IDO2: variants seen among roughly 807,000 people sequenced by gnomAD.
The protein encoded by IDO2 is indoleamine 2,3-dioxygenase-like 1 protein.
In IDO2, 46 loss-of-function variants were observed where a neutral mutation model predicts 45.1. The ratio of observed to expected loss-of-function variants is 1.02; its 90% CI spans 0.80 to 1.30. The LOEUF is 1.30. Among genes scored for constraint, IDO2 ranks in the 50% most tolerant of loss-of-function variants. IDO2 has a pLI of 0.00. For synonymous variants in IDO2, 218 were observed against 184.9 expected (o/e 1.18, Z -1.45); for missense variants, 544 against 491.8 (o/e 1.11, Z -1.00).
intron 3 of IDO2, among the ~76,000 whole-genome samples, chr8:39,966,904 G>A (rs185159051): frequency 6.6e-6 from 1 of 152,130 alleles, no homozygotes. Flanking sequence ...AGGACCAATG[G>A]CCTCCAATAA....
At chr8:39,943,748 A>T (rs1178615458) in intron 1 of IDO2, among the ~76,000 whole-genome samples, 1 of 151,750 alleles carries the variant, frequency 6.6e-6, no homozygotes, top group Non-Finnish European at 1.5e-5. Context: ...AAAAAAAAAA[A>T]AAAAAAAAAA....
At chr8:39,943,933 T>C (rs1807691728) in intron 1 of IDO2, among the ~76,000 whole-genome samples, 2 of 152,068 alleles carry the variant, frequency 1.3e-5, no homozygotes, top group South Asian at 2.1e-4. Flanking sequence ...CGAGAGGTGC[T>C]GTGGCTCAGT....
chr8:39,958,365 C>G (rs985656825), intron 2 of IDO2, among the ~76,000 whole-genome samples: 1 of 152,006 alleles, frequency 6.6e-6, no homozygotes, highest in Non-Finnish European at 1.5e-5. Context: ...TCCCGAACAG[C>G]TGGGGTTACA....
chr8:39,989,070 A>G (rs1282097878), intron 7 of IDO2, among the ~76,000 whole-genome samples: 1 of 152,206 alleles, frequency 6.6e-6, no homozygotes, highest in Non-Finnish European at 1.5e-5. Context: ...TAATTGACTC[A>G]TAGTTCTGCA....
chr8:39,997,210 C>A (rs1245470095), intron 8 of IDO2, among the ~76,000 whole-genome samples: 1 of 152,154 alleles, frequency 6.6e-6, no homozygotes, highest in Non-Finnish European at 1.5e-5. Flanking sequence ...ATTAACCCAG[C>A]TGCTTCCTGA....
intron 3 of IDO2, among the ~76,000 whole-genome samples, chr8:39,970,665 A>G (rs1482221116): frequency 1.3e-5 from 2 of 151,942 alleles, no homozygotes; most frequent in Non-Finnish European, 2.9e-5. Context: ...GAGCTGGATT[A>G]CAGGCATGAG....
At chr8:39,963,671 G>C (rs1808034132) in exon 3 of IDO2, 1 of 1,611,676 alleles carries the variant, frequency 6.2e-7, no homozygotes, top group Non-Finnish European at 8.5e-7. Context: ...TCAATTGATT[G>C]ATGCTCACCA....
intron 3 of IDO2, among the ~76,000 whole-genome samples, chr8:39,964,848 C>T (rs551253467): frequency 6.6e-6 from 1 of 152,238 alleles, no homozygotes; most frequent in South Asian, 2.1e-4. Context: ...ACGTATTAAG[C>T]AAATCATGTA....
rs185080141 is a variant in IDO2 at position 40,001,742 on chromosome 8, A to G, written c.668-3585A>G. ...AATCATTTGTGAAAGTCTGTGGTTT[A>G]AGAGGTCTTGAATAAGAAATTATCC... On this transcript the variant is annotated intron_variant, in intron 8 of 10. Transcript: ENST00000502986. 5.3e-5 allele frequency among the ~76,000 whole-genome samples: 8 copies of G among 152,268 alleles called. No homozygotes were observed. In the East Asian group the frequency reaches 1.5e-3, roughly 29 times the overall value.
intron 1 of IDO2, among the ~76,000 whole-genome samples, chr8:39,939,419 T>A (rs996552376): frequency 5.3e-5 from 8 of 150,500 alleles, no homozygotes; most frequent in Non-Finnish European, 8.9e-5. Context: ...TATTGGCACA[T>A]GCCTGTAGTC....
intron 8 of IDO2, among the ~76,000 whole-genome samples, chr8:39,994,862 C>T (rs895011803): frequency 7.9e-5 from 12 of 152,146 alleles, no homozygotes; most frequent in Non-Finnish European, 1.8e-4. Context: ...GAAAATACAA[C>T]TCCTCACTTT....
Position 40,006,593 on chromosome 8 carries a change from C to T in IDO2, c.719+1215C>T, listed in dbSNP as rs982123544. On this transcript the variant is annotated intron_variant, in intron 9 of 10. Coordinates refer to ENST00000502986, the Ensembl canonical transcript of IDO2. ...CCATTTTTTTCATATTTTCTGAGTA[C>T]TCTTCTTTTGTCACATGGCTTGAAA... Among the ~76,000 whole-genome samples the T allele has an allele frequency of 2.6e-5, 4 of 152,206 alleles. No homozygotes were observed. The South Asian group carries it at 8.3e-4, about 32-fold the overall frequency.
chr8:39,985,829 T>G, intron 6 of IDO2: 1 of 278,184 alleles, frequency 3.6e-6, no homozygotes, highest in Non-Finnish European at 6.7e-6. Flanking sequence ...AGTAACTCCT[T>G]GAAGTTTAAT....
chr8:39,989,749 T>C (rs544681803), exon 8 of IDO2: 2 of 1,600,118 alleles, frequency 1.2e-6, no homozygotes, highest in African/African-American at 2.7e-5. Context: ...AATGCTATCT[T>C]GCAGCCCAAC....
intron 4 of IDO2, 92 bp downstream of exon 4, chr8:39,979,278 G>T: frequency 7.2e-7 from 1 of 1,397,338 alleles, no homozygotes; most frequent in Non-Finnish European, 9.7e-7. Context: ...CTGTTTTCCT[G>T]GAAAATGGGT....
chr8:39,962,777 C>G (rs2543050), intron 2 of IDO2, among the ~76,000 whole-genome samples: 54,992 of 151,440 alleles, frequency 0.36, 10,533 homozygotes, highest in East Asian at 0.58. Context: ...AGTTTTCCTA[C>G]TATGCATGTG....
chr8:39,974,926 TA>T (rs1416430612), intron 3 of IDO2, among the ~76,000 whole-genome samples: 1 of 150,346 alleles, frequency 6.7e-6, no homozygotes, highest in Non-Finnish European at 1.5e-5. Context: ...AGACTCCGTC[TA>T]AAAACAAAAC....
At position 39,987,973 on chromosome 8, in the gene IDO2, A is replaced by ATC; in HGVS notation, c.549+5_549+6dup. On this transcript the variant is annotated splice_donor_region_variant and intron_variant, in intron 7 of 10. Coordinates refer to ENST00000502986, the Ensembl canonical transcript of IDO2. Reference sequence around the variant, plus strand: ...AAGAAGCAGTGCCTGGGATAAAGGTATCTTCTCACTTGATAGCACCTTTTC... The same window carrying ATC: ...AAGAAGCAGTGCCTGGGATAAAGGTATCTCTTCTCACTTGATAGCACCTTTTC... The ATC allele has an allele frequency of 6.4e-7, 1 of 1,563,720 alleles. No individual in the cohort carries two copies. The highest frequency in any genetic ancestry group is 8.8e-7 in the Non-Finnish European group (1 of 1,138,654).
chr8:39,952,435 C>A (rs1269627097), intron 2 of IDO2, among the ~76,000 whole-genome samples: 1 of 152,118 alleles, frequency 6.6e-6, no homozygotes, highest in Non-Finnish European at 1.5e-5. Context: ...TTGAACATGT[C>A]TGAAGAAAAC....
Sources: allele counts gnomAD v4.1 joint callset (sites outside exome capture counted in the v4.1 genomes callset), GRCh38; gene constraint gnomAD v4.1.1; transcripts MANE v1.5; gene names NCBI Gene and HGNC (gene_info 2026-07-23, HGNC 2026-07-21).